The following NDUFC1 variants were observed in gnomAD, a reference collection of about 807,000 sequenced individuals.
The protein encoded by NDUFC1 is NADH dehydrogenase [ubiquinone] 1 subunit C1, mitochondrial.
In NDUFC1, 11 loss-of-function variants were observed where a neutral mutation model predicts 11.6. The ratio of observed to expected loss-of-function variants is 0.95; its 90% CI spans 0.60 to 1.58. The LOEUF (loss-of-function observed/expected upper bound fraction) is 1.58. Among genes scored for constraint, NDUFC1 ranks in the 40% most tolerant of loss-of-function variants. The pLI, the probability that NDUFC1 is intolerant of heterozygous loss-of-function variation, is 0.00. For missense variants in NDUFC1, 112 were observed against 93.0 expected (o/e 1.20, Z -0.84); for synonymous variants, 52 against 42.2 (o/e 1.23, Z -0.90).
At chr4:139,291,315 G>A (rs980703693) in intron 5 of NDUFC1, among the ~76,000 whole-genome samples, 32 of 151,846 alleles carry the variant, frequency 2.1e-4, no homozygotes, top group Non-Finnish European at 2.9e-4. Flanking sequence ...AGTGGCTCAC[G>A]CCTGTAATCC....
chr4:139,290,407 A>C (rs1009566923), intron 5 of NDUFC1, among the ~76,000 whole-genome samples: 1 of 150,886 alleles, frequency 6.6e-6, no homozygotes. Flanking sequence ...GGCCTCCCAA[A>C]GTACTGAGAT....
At chr4:139,293,110 G>C (rs1171082120) in intron 4 of NDUFC1, among the ~76,000 whole-genome samples, 3 of 152,092 alleles carry the variant, frequency 2.0e-5, no homozygotes, top group Non-Finnish European at 4.4e-5. Context: ...ATGAGCCACC[G>C]CACCTGGCCA....
At chr4:139,301,601 G>C in intron 1 of NDUFC1, 1 of 663,314 alleles carries the variant, frequency 1.5e-6, no homozygotes, top group Middle Eastern at 4.1e-4. Context: ...AAGGAAAAAA[G>C]ACAACGAGGA....
chr4:139,302,453 C>T lies in NDUFC1; in HGVS notation c.-259G>A, dbSNP rs867426357. 6.6e-6 allele frequency: 1 copy of T among 152,276 alleles called. No individual in the cohort carries two copies. The highest frequency in any genetic ancestry group is 1.5e-5 in the Non-Finnish European group (1 of 68,056). 9.4% of individuals were successfully genotyped at this position (152,276 alleles called of 1,614,324 possible). On this transcript the variant is annotated 5_prime_UTR_variant, in exon 1 of 6. Coordinates refer to ENST00000394223, the MANE Select transcript of NDUFC1 (RefSeq NM_001184989.2). ...AGTTGCATACTGGAGTCTTCAGCTCCTCTGCCTCCGTTGTTCTCGTTTCTG... is the reference window on the plus strand; with the variant it reads ...AGTTGCATACTGGAGTCTTCAGCTCTTCTGCCTCCGTTGTTCTCGTTTCTG...
intron 4 of NDUFC1, among the ~76,000 whole-genome samples, chr4:139,294,248 A>T (rs188397123): frequency 2.2e-4 from 34 of 151,838 alleles, no homozygotes; most frequent in African/African-American, 7.5e-4. Flanking sequence ...CGGCCTGAAA[A>T]TTTTTTTAAA....
Position 139,297,760 on chromosome 4 carries a change from T to C in NDUFC1, c.-221-317A>G, listed in dbSNP as rs138735943. ...ATTGATACAGCATGCATGAGAATAC[T>C]ATGAATCAAACTTAGGACTTGGGCC... is the stretch of plus-strand genomic sequence containing the variant. On this transcript the variant is annotated intron_variant, in intron 1 of 5. Transcript: ENST00000394223. Among the ~76,000 whole-genome samples, 383 of 152,300 alleles carry C rather than the reference T, an allele frequency of 2.5e-3. 3 individuals are homozygous for C. Among genetic ancestry groups the C allele is most frequent in the Middle Eastern group, 6.8e-3 (2 of 294 alleles).
chr4:139,295,294 GATCAAGTACC>G (rs1462584143), intron 3 of NDUFC1, 148 bp from the exon 4 acceptor site: 2 of 670,456 alleles, frequency 3.0e-6, no homozygotes, highest in Non-Finnish European at 5.3e-6. Flanking sequence ...GGTTCAAAGA[GATCAAGTACC>G]TCGCCCAGGG....
At position 139,295,776 on chromosome 4, in the gene NDUFC1, C is replaced by A. The variant is rs1463363007; in HGVS notation, c.23G>T (p.Arg8Leu). 8 of 1,548,456 alleles carry A rather than the reference C, an allele frequency of 5.2e-6. No homozygotes were observed. The African/African-American group carries it at 9.7e-5, about 19-fold the overall frequency. Residue 8 changes from arginine (R) to leucine (L), a missense_variant, in exon 3 of 6, where the codon CGT (arginine) becomes CTT (leucine). Physicochemically the swap from Arg to Leu is moderately radical, Grantham distance 102 (BLOSUM62 -2). Coordinates refer to ENST00000394223, the MANE Select transcript of NDUFC1 (RefSeq NM_001184989.2). ...GGGGGCCAGCAGCCGGGAAAGGGGA[C>A]GCAGCAAGGCGGACGGCGCCATCTT... The part of the protein sequence containing the change: MAPSALL[R>L]PLSRLLAPAR...
intron 1 of NDUFC1, among the ~76,000 whole-genome samples, chr4:139,298,561 C>T (rs1745570171): frequency 6.6e-6 from 1 of 151,916 alleles, no homozygotes; most frequent in African/African-American, 2.4e-5. Flanking sequence ...CAAGAGTAGC[C>T]TGGGCAACAT....
chr4:139,301,669 G>C, intron 1 of NDUFC1: 1 of 1,290,644 alleles, frequency 7.7e-7, no homozygotes, highest in East Asian at 2.8e-5. Context: ...TGGTGGCGGC[G>C]GATCGAGATA....
chr4:139,295,061 A>G lies in NDUFC1; in HGVS notation c.153T>C (p.Thr51=). 1 of 1,614,012 alleles carries G rather than the reference A, an allele frequency of 6.2e-7. No individual in the cohort carries two copies. The highest frequency in any genetic ancestry group is 8.5e-7 in the Non-Finnish European group (1 of 1,179,870). Residue 51 remains threonine, a synonymous_variant, in exon 4 of 6, where the codon ACT becomes ACC. Transcript: ENST00000394223. ...WLKVGFTLGT[T]VFLWIYLIKQ... is the part of the protein sequence containing the mutation. ...TACTTACATAGATCCACAAGAAGAC[A>G]GTGGTGCCCAAGGTGAACCCAACTT...
chr4:139,301,554 C>T (rs1174204940), intron 1 of NDUFC1: 6 of 583,518 alleles, frequency 1.0e-5, no homozygotes, highest in Non-Finnish European at 1.8e-5. Context: ...CCGACGGAGA[C>T]CCGTAGTGGG....
intron 1 of NDUFC1, chr4:139,301,925 C>A: frequency 7.4e-7 from 1 of 1,349,696 alleles, no homozygotes; most frequent in Non-Finnish European, 1.0e-6. Context: ...CTGAGCCACT[C>A]CCGCCCGGGA....
At chr4:139,291,716 G>A (rs964521180) in intron 5 of NDUFC1, among the ~76,000 whole-genome samples, 1 of 152,138 alleles carries the variant, frequency 6.6e-6, no homozygotes, top group African/African-American at 2.4e-5. Flanking sequence ...ACACTCAAGT[G>A]TACAAGATAC....
intron 1 of NDUFC1, chr4:139,301,736 C>A (rs1745756222): frequency 6.5e-7 from 1 of 1,540,724 alleles, no homozygotes. Flanking sequence ...AACTGACTGA[C>A]CGAGCCGGGT....
At position 139,295,155 on chromosome 4, in the gene NDUFC1, G is replaced by A; in HGVS notation, c.68-9C>T. ...CTTTGATCGCACTGAAGCTGAAAGGGGAAGAGGGTCTGTAAATTTGTAACT... is the reference window on the plus strand; with the variant it reads ...CTTTGATCGCACTGAAGCTGAAAGGAGAAGAGGGTCTGTAAATTTGTAACT... On this transcript the variant is annotated splice_polypyrimidine_tract_variant and intron_variant, in intron 3 of 5. Transcript: ENST00000394223. 1.2e-6 allele frequency: 2 copies of A among 1,611,490 alleles called. No homozygotes were observed. Among genetic ancestry groups the A allele is most frequent in the Non-Finnish European group, 1.7e-6 (2 of 1,177,676 alleles).
Position 139,297,439 on chromosome 4 carries a change from T to C in NDUFC1, c.-217A>G, listed in dbSNP as rs1341931118. 6.6e-6 allele frequency: 1 copy of C among 152,224 alleles called. No homozygotes were observed. Among genetic ancestry groups the C allele is most frequent in the Non-Finnish European group, 1.5e-5 (1 of 68,038 alleles). 9.4% of individuals were successfully genotyped at this position (152,224 alleles called of 1,614,324 possible). On this transcript the variant is annotated 5_prime_UTR_variant, in exon 2 of 6. Coordinates refer to ENST00000394223, the MANE Select transcript of NDUFC1 (RefSeq NM_001184989.2). ...TGGAGTACCCAGCTGTATGTGAAAC[T>C]GCATCTAGAAAAGAATCCTGATTAA... is the stretch of plus-strand genomic sequence containing the variant.
intron 1 of NDUFC1, among the ~76,000 whole-genome samples, chr4:139,300,379 G>A (rs1560944003): frequency 1.3e-5 from 2 of 152,140 alleles, no homozygotes; most frequent in African/African-American, 2.4e-5. Flanking sequence ...AGAGAAGTTT[G>A]AAAATTAAAA....
chr4:139,293,928 GA>G (rs1745339700), intron 4 of NDUFC1, among the ~76,000 whole-genome samples: 4 of 118,064 alleles, frequency 3.4e-5, no homozygotes, highest in Admixed American at 9.6e-5. Flanking sequence ...CATGTGGTGT[GA>G]ATTTTTTTTT....
Sources: allele counts gnomAD v4.1 joint callset (sites outside exome capture counted in the v4.1 genomes callset), GRCh38; gene constraint gnomAD v4.1.1; transcripts MANE v1.5; gene names NCBI Gene and HGNC (gene_info 2026-07-23, HGNC 2026-07-21).